Variants in JAK1 observed in about 807,000 individuals in gnomAD.
JAK1 encodes the protein Janus kinase 1.
A neutral mutation model predicts 136.6 loss-of-function variants in JAK1; 16 were observed. The ratio of observed to expected loss-of-function variants is 0.12; its 90% CI spans 0.08 to 0.18. JAK1 has a LOEUF of 0.18. JAK1 is among the 10% of genes least tolerant of loss of function. The probability of loss-of-function intolerance (pLI) is 1.00; values close to 1 mark genes in which losing one functional copy is unlikely to be tolerated. For synonymous variants in JAK1, 492 were observed against 519.5 expected (o/e 0.95, Z 0.72); for missense variants, 859 against 1,450.1 (o/e 0.59, Z 6.62).
At chr1:64,915,158 A>G (rs1176813977) in intron 1 of JAK1, among the ~76,000 whole-genome samples, 2 of 152,186 alleles carry the variant, frequency 1.3e-5, no homozygotes, top group Non-Finnish European at 2.9e-5. Flanking sequence ...TTGAACAGAA[A>G]TACCCAATTT....
At chr1:64,875,712 C>T (rs1007449434) in intron 4 of JAK1, among the ~76,000 whole-genome samples, 1 of 152,166 alleles carries the variant, frequency 6.6e-6, no homozygotes. Context: ...GAAAGAATCA[C>T]ACATCTGCAG....
At chr1:65,052,684 G>C (rs1194751316) in intron 1 of JAK1, among the ~76,000 whole-genome samples, 1 of 151,912 alleles carries the variant, frequency 6.6e-6, no homozygotes, top group East Asian at 2.0e-4. Flanking sequence ...TGTGGTGGTG[G>C]GTGCCTGTAG....
intron 1 of JAK1, among the ~76,000 whole-genome samples, chr1:64,963,342 T>C (rs575126385): frequency 3.4e-4 from 52 of 152,296 alleles, no homozygotes; most frequent in African/African-American, 1.2e-3. Flanking sequence ...TACTTTCCTA[T>C]ATTTTCTAAT....
chr1:64,901,487 T>TA (rs1315175903), intron 1 of JAK1, among the ~76,000 whole-genome samples: 1 of 152,154 alleles, frequency 6.6e-6, no homozygotes, highest in Admixed American at 6.5e-5. Context: ...CCTGGAAAGA[T>TA]AAAGAAAGTC....
At chr1:64,902,577 A>AGTGTGT (rs1351832703) in intron 1 of JAK1, among the ~76,000 whole-genome samples, 2 of 40,588 alleles carry the variant, frequency 4.9e-5, no homozygotes, top group African/African-American at 6.9e-5. Flanking sequence ...AGAGAGAGAG[A>AGTGTGT]GAGAGAGTGT....
intron 22 of JAK1, among the ~76,000 whole-genome samples, chr1:64,836,643 C>T (rs1210650588): frequency 6.6e-6 from 1 of 152,074 alleles, no homozygotes; most frequent in African/African-American, 2.4e-5. Flanking sequence ...CCCACTTGCC[C>T]AAGCCAAAAA....
Position 64,879,116 on chromosome 1 carries a change from G to T in JAK1, c.238C>A (p.Leu80Met). 1.2e-6 allele frequency: 2 copies of T among 1,613,864 alleles called. No individual in the cohort carries two copies. The highest frequency in any genetic ancestry group is 1.7e-6 in the Non-Finnish European group (2 of 1,179,892). ...CAGAGCTTGGTGTTCTCGTCATACA[G>T]GGCAAAGAGGTTGTGACAAAGAGGA... The part of the protein sequence containing the change: ...ISPLCHNLFA[L>M]YDENTKLWYA... Residue 80 changes from leucine (L) to methionine (M), a missense_variant, in exon 4 of 25, where the codon CTG becomes ATG. This residue lies in a region of JAK1 where 353 missense variants were observed against 494.0 expected (regional missense o/e 0.71). Coordinates refer to ENST00000342505, the MANE Select transcript of JAK1 (RefSeq NM_002227.4).
At chr1:64,923,228 A>G (rs553937729) in intron 1 of JAK1, among the ~76,000 whole-genome samples, 16 of 152,128 alleles carry the variant, frequency 1.1e-4, no homozygotes, top group Non-Finnish European at 1.6e-4. Flanking sequence ...TAAATATTGT[A>G]TTGTGTTTCT....
intron 1 of JAK1, among the ~76,000 whole-genome samples, chr1:64,922,805 G>C (rs1645517829): frequency 6.6e-6 from 1 of 152,140 alleles, no homozygotes; most frequent in South Asian, 2.1e-4. Context: ...ACCATAAGGA[G>C]TGGCTTTGAC....
chr1:64,925,362 C>T (rs1482814714), intron 1 of JAK1, among the ~76,000 whole-genome samples: 3 of 151,870 alleles, frequency 2.0e-5, no homozygotes, highest in Non-Finnish European at 2.9e-5. Flanking sequence ...CACCATTGCA[C>T]ACCAGCCTGG....
chr1:64,913,707 G>GGAAGGAAGGAAGGAAA (rs1377141591), intron 1 of JAK1, among the ~76,000 whole-genome samples: 2 of 74,932 alleles, frequency 2.7e-5, no homozygotes, highest in Non-Finnish European at 2.6e-5. Flanking sequence ...AAGGAAAGAA[G>GGAAGGAAGGAAGGAAA]GGAGGGAGGG....
chr1:64,882,837 G>T (rs1468134687), intron 3 of JAK1, among the ~76,000 whole-genome samples: 1 of 152,172 alleles, frequency 6.6e-6, no homozygotes, highest in Non-Finnish European at 1.5e-5. Flanking sequence ...AGAAGGAGGG[G>T]TCAAACTTTT....
intron 1 of JAK1, among the ~76,000 whole-genome samples, chr1:64,950,611 C>A (rs1208124938): frequency 6.6e-6 from 1 of 152,184 alleles, no homozygotes; most frequent in African/African-American, 2.4e-5. Flanking sequence ...ACATCTCACT[C>A]ACCAAGTAAC....
chr1:64,937,101 A>G (rs1645803362), intron 1 of JAK1, among the ~76,000 whole-genome samples: 1 of 151,192 alleles, frequency 6.6e-6, no homozygotes, highest in South Asian at 2.1e-4. Flanking sequence ...AGTTTGGTCT[A>G]CAGGACCTCA....
At chr1:64,934,219 T>C (rs773222794) in intron 1 of JAK1, among the ~76,000 whole-genome samples, 2 of 152,160 alleles carry the variant, frequency 1.3e-5, no homozygotes, top group Non-Finnish European at 1.5e-5. Context: ...CCAGGAGACA[T>C]CTCTCAAATG....
chr1:64,915,197 T>C (rs760911580), intron 1 of JAK1, among the ~76,000 whole-genome samples: 8 of 152,132 alleles, frequency 5.3e-5, no homozygotes, highest in Non-Finnish European at 1.0e-4. Flanking sequence ...CACTAAAATA[T>C]AGTACATATT....
intron 1 of JAK1, among the ~76,000 whole-genome samples, chr1:64,917,611 C>A (rs1645422346): frequency 6.6e-6 from 1 of 152,114 alleles, no homozygotes; most frequent in Admixed American, 6.6e-5. Context: ...TGAGCCTGGA[C>A]CAAATTCCTA....
chr1:64,985,950 T>C (rs1374309679), intron 2 of JAK1: 2 of 1,049,358 alleles, frequency 1.9e-6, no homozygotes, highest in African/African-American at 1.6e-5. Context: ...GGTATTTGCC[T>C]TGTCCTTCAA....
intron 2 of JAK1, among the ~76,000 whole-genome samples, chr1:64,986,478 A>G (rs1008624837): frequency 6.6e-6 from 1 of 152,022 alleles, no homozygotes; most frequent in Non-Finnish European, 1.5e-5. Context: ...TTTTCAACCA[A>G]TGAAACCTTC....
Sources: allele counts gnomAD v4.1 joint callset (sites outside exome capture counted in the v4.1 genomes callset), GRCh38; gene constraint gnomAD v4.1.1; regional missense constraint gnomAD v4.1.1; transcripts MANE v1.5; gene names NCBI Gene and HGNC (gene_info 2026-07-23, HGNC 2026-07-21).